The following RHOA variants were observed in gnomAD, a reference collection of about 807,000 sequenced individuals.
The protein encoded by RHOA is transforming protein RhoA.
Under a neutral mutation model 17.5 loss-of-function variants are expected in RHOA, and 3 were observed. The ratio of observed to expected loss-of-function variants is 0.17; its 90% CI spans 0.08 to 0.44. The LOEUF is 0.44. RHOA is among the 20% of genes least tolerant of loss of function. The pLI, the probability that RHOA is intolerant of heterozygous loss-of-function variation, is 0.99. For synonymous variants in RHOA, 98 were observed against 88.4 expected (o/e 1.11, Z -0.61); for missense variants, 56 against 242.3 (o/e 0.23, Z 5.10).
intron 4 of RHOA, among the ~76,000 whole-genome samples, chr3:49,361,432 C>T (rs2047969493): frequency 6.6e-6 from 1 of 152,200 alleles, no homozygotes; most frequent in Admixed American, 6.5e-5. Context: ...CCACATCCAT[C>T]ATCACTTTTA....
At chr3:49,392,455 A>G (rs2048527510) in intron 1 of RHOA, among the ~76,000 whole-genome samples, 1 of 152,114 alleles carries the variant, frequency 6.6e-6, no homozygotes, top group Non-Finnish European at 1.5e-5. Context: ...AACAAGAACA[A>G]CAAAAAACTG....
At chr3:49,390,134 G>A (rs1311093363) in intron 1 of RHOA, among the ~76,000 whole-genome samples, 1 of 151,330 alleles carries the variant, frequency 6.6e-6, no homozygotes, top group African/African-American at 2.4e-5. Flanking sequence ...CCGTTGTCAG[G>A]AATTTTTTTT....
chr3:49,380,408 C>T (rs1399590524), intron 1 of RHOA, among the ~76,000 whole-genome samples: 1 of 152,032 alleles, frequency 6.6e-6, no homozygotes, highest in Non-Finnish European at 1.5e-5. Context: ...TCAAACTAAT[C>T]CTAAATTATA....
chr3:49,399,554 G>A (rs1299685210), intron 1 of RHOA, among the ~76,000 whole-genome samples: 2 of 151,390 alleles, frequency 1.3e-5, no homozygotes, highest in Admixed American at 6.6e-5. Flanking sequence ...TGTATAGACT[G>A]TCTCTAGAAT....
At chr3:49,375,260 CAAA>C in intron 2 of RHOA, among the ~76,000 whole-genome samples, 171 bp downstream of exon 2, 1 of 120,362 alleles carries the variant, frequency 8.3e-6, no homozygotes, top group Non-Finnish European at 1.8e-5. Flanking sequence ...ACTCCGTCTC[CAAA>C]AAAAAAAAAA....
chr3:49,375,415 T>C lies in RHOA; in HGVS notation c.156+19A>G, dbSNP rs2107848960. ...CTAACATGGAAAATGGCATCAGTTG[T>C]TATGAAAAGTATACTCACCTGCTTT... On this transcript the variant is annotated intron_variant, in intron 2 of 4. Coordinates refer to ENST00000418115, the MANE Select transcript of RHOA (RefSeq NM_001664.4). The C allele has an allele frequency of 6.3e-7, 1 of 1,594,400 alleles. No individual in the cohort carries two copies. The highest frequency in any genetic ancestry group is 1.3e-5 in the African/African-American group (1 of 74,246).
chr3:49,395,608 G>A (rs1376614813), intron 1 of RHOA, among the ~76,000 whole-genome samples: 2 of 151,978 alleles, frequency 1.3e-5, no homozygotes, highest in East Asian at 3.9e-4. Flanking sequence ...AGCTACTCGG[G>A]AGGCTGAGGT....
intron 4 of RHOA, among the ~76,000 whole-genome samples, chr3:49,361,714 C>G (rs1242365056): frequency 6.6e-6 from 1 of 151,634 alleles, no homozygotes; most frequent in Non-Finnish European, 1.5e-5. Context: ...AAACCCGTCT[C>G]TACTAAAAAT....
chr3:49,381,716 T>C (rs2107861113), intron 1 of RHOA, among the ~76,000 whole-genome samples: 1 of 150,238 alleles, frequency 6.7e-6, no homozygotes, highest in East Asian at 2.0e-4. Context: ...AATAGAAAAA[T>C]TAGCCGGGCA....
At chr3:49,390,411 G>A (rs548669427) in intron 1 of RHOA, among the ~76,000 whole-genome samples, 7 of 152,238 alleles carry the variant, frequency 4.6e-5, no homozygotes, top group Admixed American at 3.9e-4. Context: ...TTACAGGCGT[G>A]AGCCACTGCA....
chr3:49,401,041 C>CAAAAAAAAAAAAAAAAAAAAAAAA (rs57354041), intron 1 of RHOA, among the ~76,000 whole-genome samples: 4 of 67,584 alleles, frequency 5.9e-5, no homozygotes, highest in Non-Finnish European at 1.1e-4. Flanking sequence ...GACTCCGTCT[C>CAAAAAAAAAAAAAAAAAAAAAAAA]AAAAAAAAAA....
At chr3:49,383,768 G>A (rs1455062782) in intron 1 of RHOA, among the ~76,000 whole-genome samples, 1 of 152,144 alleles carries the variant, frequency 6.6e-6, no homozygotes, top group Non-Finnish European at 1.5e-5. Flanking sequence ...GGTGGCTCAC[G>A]CCCATAATCC....
intron 3 of RHOA, among the ~76,000 whole-genome samples, chr3:49,364,489 A>AAC (rs960330528): frequency 2.0e-5 from 3 of 151,054 alleles, no homozygotes; most frequent in African/African-American, 7.3e-5. Context: ...CCGTCTCAAA[A>AAC]ACAACAAAAC....
At chr3:49,360,926 AC>A (rs1458257917) in intron 4 of RHOA, 1 of 370,694 alleles carries the variant, frequency 2.7e-6, no homozygotes, top group Non-Finnish European at 5.4e-6. Context: ...ACAAAAAATC[AC>A]CTGGGTGTGG....
chr3:49,374,856 T>C (rs1341175238), intron 2 of RHOA, among the ~76,000 whole-genome samples: 1 of 151,414 alleles, frequency 6.6e-6, no homozygotes, highest in East Asian at 1.9e-4. Context: ...CAGGAGTTCA[T>C]GACCAGCCTG....
chr3:49,373,131 G>A lies in RHOA; in HGVS notation c.156+2303C>T, dbSNP rs182931550. Reference sequence around the variant, plus strand: ...GGCCAAGGCGGGCGGATCACCTGACGTCAAAAGTTCGAGACCAGCCTGGCC... The same window carrying A: ...GGCCAAGGCGGGCGGATCACCTGACATCAAAAGTTCGAGACCAGCCTGGCC... On this transcript the variant is annotated intron_variant, in intron 2 of 4. Coordinates refer to ENST00000418115, the MANE Select transcript of RHOA (RefSeq NM_001664.4). 2.4e-3 allele frequency: 375 copies of A among 156,638 alleles called. 1 individual carries two copies. The highest frequency in any genetic ancestry group is 3.6e-3 in the Non-Finnish European group (249 of 69,960). 9.7% of individuals were successfully genotyped at this position (156,638 alleles called of 1,614,324 possible).
intron 1 of RHOA, among the ~76,000 whole-genome samples, chr3:49,397,002 T>C (rs566962463): frequency 9.9e-5 from 15 of 151,784 alleles, no homozygotes; most frequent in African/African-American, 2.9e-4. Context: ...TGGTAGCATA[T>C]ACCTGTGGTC....
intron 3 of RHOA, among the ~76,000 whole-genome samples, chr3:49,364,525 GTGGT>G (rs2048023810): frequency 6.6e-6 from 1 of 151,862 alleles, no homozygotes; most frequent in East Asian, 1.9e-4. Flanking sequence ...ACTGGGCATG[GTGGT>G]GCACACCTGT....
At chr3:49,385,938 T>C (rs1039503915) in intron 1 of RHOA, among the ~76,000 whole-genome samples, 1 of 152,204 alleles carries the variant, frequency 6.6e-6, no homozygotes, top group African/African-American at 2.4e-5. Flanking sequence ...TTGGTCTATA[T>C]TGTCCACCTT....
Sources: allele counts gnomAD v4.1 joint callset (sites outside exome capture counted in the v4.1 genomes callset), GRCh38; gene constraint gnomAD v4.1.1; transcripts MANE v1.5; gene names NCBI Gene and HGNC (gene_info 2026-07-23, HGNC 2026-07-21).